Variants in GOT1L1 observed in about 807,000 individuals in gnomAD.
GOT1L1 encodes the protein aspartate aminotransferase, cytoplasmic 2.
GOT1L1 carries 38 observed loss-of-function variants against 43.6 expected under a neutral mutation model. The ratio of observed to expected loss-of-function variants is 0.87; its 90% confidence interval spans 0.67 to 1.14. The LOEUF (loss-of-function observed/expected upper bound fraction) is 1.14. GOT1L1 is among the 50% of genes most tolerant of loss of function. GOT1L1 has a pLI of 0.00. For synonymous variants in GOT1L1, 183 were observed against 187.2 expected, an observed-to-expected ratio of 0.98 and a Z score of 0.18; for missense variants, 482 against 504.0, an observed-to-expected ratio of 0.96 and a Z score of 0.42.
In GOT1L1 at chr8:37,940,114, C is replaced by G; in HGVS notation, c.-85G>C. ...CAGAAGTCTTCCTCCAAGGCTGGGC[C>G]GGGCAGTCCTGCCTCTTCCTGGAAC... On this transcript the variant is annotated 5_prime_UTR_variant, in exon 1 of 9. Transcript: ENST00000307599. 1.3e-6 allele frequency: 2 copies of G among 1,486,676 alleles called. No individual in the cohort carries two copies. Among genetic ancestry groups the G allele is most frequent in the Non-Finnish European group, 1.8e-6 (2 of 1,110,170 alleles). 92.1% of individuals were successfully genotyped at this position (1,486,676 alleles called of 1,614,324 possible).
In GOT1L1 at chr8:37,935,709, T is replaced by A. The variant is rs372696147; in HGVS notation, c.924A>T (p.Gly308=). 3 of 1,580,026 alleles carry A rather than the reference T, an allele frequency of 1.9e-6. No individual in the cohort carries two copies. Among genetic ancestry groups the A allele is most frequent in the Admixed American group, 3.7e-5 (2 of 54,132 alleles). The change falls in exon 7 of 9, where the codon GGA becomes GGT. Residue 308 remains glycine (G), a synonymous_variant. Transcript: ENST00000307599. ...GCTCCAGCCCTCACCCTTACCATTC[T>A]CCCAGCAGAGCAGGGTTGCAGAGGA... is the stretch of plus-strand genomic sequence containing the variant. ...TSILCNPALL[G]EWKQSLKEVV...
rs768387982 is a variant in GOT1L1 at position 37,934,461 on chromosome 8, C to T, written c.1098G>A (p.Arg366=). ...LNSQQVEYLV[R]KKHIYIPKNG... Reference sequence around the variant, plus strand: ...TCTTGGGGATATAGATGTGCTTCTTCCTGACCAGGTATTCCACCTGCTGGG... The same window carrying T: ...TCTTGGGGATATAGATGTGCTTCTTTCTGACCAGGTATTCCACCTGCTGGG... The change falls in exon 9 of 9, where the codon AGG becomes AGA. Residue 366 remains arginine (R), a synonymous_variant. Coordinates refer to ENST00000307599, the MANE Select transcript of GOT1L1 (RefSeq NM_152413.3). 2 of 1,613,666 alleles carry T rather than the reference C, an allele frequency of 1.2e-6. No individual in the cohort carries two copies. The highest frequency in any genetic ancestry group is 2.2e-5 in the South Asian group (2 of 91,028).
At chr8:37,936,475 A>G (rs1807758495) in intron 6 of GOT1L1, among the ~76,000 whole-genome samples, 1 of 151,440 alleles carries the variant, frequency 6.6e-6, no homozygotes, top group South Asian at 2.1e-4. Context: ...CCACCCTCTC[A>G]TCTTATAGTT....
chr8:37,936,845 T>C lies in GOT1L1; in HGVS notation c.638A>G (p.Asp213Gly). The change falls in exon 6 of 9, where the codon GAT becomes GGT. Residue 213 changes from aspartate to glycine, a missense_variant. Asp to Gly is a moderately conservative substitution (Grantham distance 94). Transcript: ENST00000307599. ...GGTGTATAAACCTTGACAGGGAATA[T>C]CAAAAAATGGGAATATCTGCTTGCT... The part of the protein sequence containing the change: ...IKSKQIFPFF[D>G]IPCQGLYTSD... 1.2e-6 allele frequency: 2 copies of C among 1,610,430 alleles called. No homozygotes were observed. The highest frequency in any genetic ancestry group is 1.7e-6 in the Non-Finnish European group (2 of 1,177,060).
intron 1 of GOT1L1, among the ~76,000 whole-genome samples, chr8:37,939,358 G>A (rs902968489): frequency 4.1e-5 from 6 of 145,652 alleles, no homozygotes; most frequent in African/African-American, 1.5e-4. Flanking sequence ...AGGTGGCAGT[G>A]AGCTGAGATC....
rs1807707986 is a variant in GOT1L1 at position 37,935,079 on chromosome 8, G to A, written c.1066C>T (p.Leu356Phe). The A allele has an allele frequency of 6.2e-7, 1 of 1,613,830 alleles. No homozygotes were observed. The highest frequency in any genetic ancestry group is 1.1e-5 in the South Asian group (1 of 91,068). Residue 356 changes from leucine to phenylalanine, a missense_variant, in exon 8 of 9, where the codon CTC becomes TTC. Coordinates refer to ENST00000307599, the MANE Select transcript of GOT1L1 (RefSeq NM_152413.3). ...CAGCCCCCTAGACCCTTACAGTTGAGTCCAAGATAGCCGTGGGTCCCACTC... is the reference window on the plus strand; with the variant it reads ...CAGCCCCCTAGACCCTTACAGTTGAATCCAAGATAGCCGTGGGTCCCACTC... ...EQSGTHGYLG[L>F]NSQQVEYLVR...
chr8:37,935,036 G>A (rs761968873), intron 8 of GOT1L1, 37 bp downstream of exon 8: 4 of 1,611,498 alleles, frequency 2.5e-6, no homozygotes, highest in East Asian at 2.2e-5. Flanking sequence ...CAGGCCAAAG[G>A]TCAGAAAGGG....
intron 1 of GOT1L1, among the ~76,000 whole-genome samples, chr8:37,939,434 ATATATATATATATATATATATATAT>A (rs1807864961): frequency 3.4e-5 from 2 of 57,974 alleles, no homozygotes; most frequent in Non-Finnish European, 6.4e-5. Flanking sequence ...AAAAAAAAAT[ATATATATATATATATATATATATAT>A]ATATATATAT....
chr8:37,939,286 C>A (rs1447157079), intron 1 of GOT1L1, among the ~76,000 whole-genome samples: 1 of 150,790 alleles, frequency 6.6e-6, no homozygotes, highest in Non-Finnish European at 1.5e-5. Flanking sequence ...TGGTGACCAG[C>A]GCCTGTAGTC....
chr8:37,939,416 GAAAA>G (rs4058283), intron 1 of GOT1L1, among the ~76,000 whole-genome samples: 32 of 21,398 alleles, frequency 1.5e-3, no homozygotes, highest in Admixed American at 2.3e-3. Context: ...CCTGTCTCAA[GAAAA>G]AAAAAAAAAA....
chr8:37,937,508 A>G, intron 3 of GOT1L1, 122 bp from the exon 4 acceptor site: 2 of 993,000 alleles, frequency 2.0e-6, no homozygotes, highest in Non-Finnish European at 3.1e-6. Context: ...AAAAGGACAT[A>G]AATAGCTTGG....
Position 37,937,664 on chromosome 8 carries a change from A to C in GOT1L1, c.383T>G (p.Ile128Arg), listed in dbSNP as rs1442686964. 5 of 1,611,976 alleles carry C rather than the reference A, an allele frequency of 3.1e-6. No individual in the cohort carries two copies. The highest frequency in any genetic ancestry group is 4.2e-6 in the Non-Finnish European group (5 of 1,178,826). ...FLRAWHKDAR[I>R]VYIISSQKEL... ...TTTTTGAGAAGAGATGATGTAAACT[A>C]TACGAGCATCCTTATGCCAAGCTCT... Residue 128 changes from isoleucine to arginine, a missense_variant, in exon 3 of 9, where the codon ATA becomes AGA. Coordinates refer to ENST00000307599, the MANE Select transcript of GOT1L1 (RefSeq NM_152413.3).
At position 37,936,709 on chromosome 8, in the gene GOT1L1, C is replaced by T. The variant is rs1156722171; in HGVS notation, c.763+11G>A. On this transcript the variant is annotated intron_variant, in intron 6 of 8. Coordinates refer to ENST00000307599, the MANE Select transcript of GOT1L1 (RefSeq NM_152413.3). ...AGCAACAGACCCTCCCTTCTTCTGC[C>T]TGTACCATACCATAAATGCCAAAAT... is the stretch of plus-strand genomic sequence containing the variant. 6 of 1,605,686 alleles carry T rather than the reference C, an allele frequency of 3.7e-6. No individual in the cohort carries two copies. The Admixed American group carries it at 8.4e-5, about 22-fold the overall frequency.
In GOT1L1 at chr8:37,939,889, A is replaced by G. The variant is rs201794498; in HGVS notation, c.115+26T>C. 62 of 1,603,602 alleles carry G rather than the reference A, an allele frequency of 3.9e-5. No individual in the cohort carries two copies. The African/African-American group carries it at 6.8e-4, about 18-fold the overall frequency. On this transcript the variant is annotated intron_variant, in intron 1 of 8. Coordinates refer to ENST00000307599, the MANE Select transcript of GOT1L1 (RefSeq NM_152413.3). ...AGGCAGTTACCATCACTTAAGTCTTATACTTCAGAACTGCTAGGCATCTAC... is the reference window on the plus strand; with the variant it reads ...AGGCAGTTACCATCACTTAAGTCTTGTACTTCAGAACTGCTAGGCATCTAC...
Position 37,934,502 on chromosome 8 carries a change from G to A in GOT1L1, c.1073-16C>T, listed in dbSNP as rs200347063. ...ACCTGCTGGGCTAAAATCATGACAA[G>A]GTCTCAGATCTCGAGACTGGCCATC... On this transcript the variant is annotated splice_polypyrimidine_tract_variant and intron_variant, in intron 8 of 8. Transcript: ENST00000307599. 186 of 1,597,484 alleles carry A rather than the reference G, an allele frequency of 1.2e-4. 1 individual carries two copies. The East Asian group carries it at 1.4e-3, about 12-fold the overall frequency.
At chr8:37,938,586 C>T (rs1267486937) in intron 2 of GOT1L1, 114 bp downstream of exon 2, 1 of 888,924 alleles carries the variant, frequency 1.1e-6, no homozygotes, top group Non-Finnish European at 1.7e-6. Context: ...CCTCAGGTAT[C>T]TCTTTTATCA....
rs1376584408 is a variant in GOT1L1, at chr8:37,940,074, TGTTCCGCTTCTGC to T, written c.-58_-46del. Reference sequence around the variant, plus strand: ...CCAAGACTATGTGTCTCTGCTCCTGTGTTCCGCTTCTGCCCAGAAGTCTTCCTCCAAGGCTGGG... The same window carrying T: ...CCAAGACTATGTGTCTCTGCTCCTGTCCAGAAGTCTTCCTCCAAGGCTGGG... On this transcript the variant is annotated 5_prime_UTR_variant, in exon 1 of 9. Transcript: ENST00000307599. 2 of 1,573,396 alleles carry T rather than the reference TGTTCCGCTTCTGC, an allele frequency of 1.3e-6. No homozygotes were observed. The highest frequency in any genetic ancestry group is 3.7e-5 in the Admixed American group (2 of 53,624).
rs781456451 is a variant in GOT1L1 at position 37,936,770 on chromosome 8, C to T, written c.713G>A (p.Gly238Asp). 6.8e-6 allele frequency: 11 copies of T among 1,612,952 alleles called. No individual in the cohort carries two copies. The highest frequency in any genetic ancestry group is 9.3e-6 in the Non-Finnish European group (11 of 1,179,052). ...TRILQYFVSQ[G>D]FEFFCSQSLS... Reference sequence around the variant, plus strand: ...AGACTGGCTGCAGAAGAACTCAAAGCCTTGAGACACAAAGTATTGTAAGAT... The same window carrying T: ...AGACTGGCTGCAGAAGAACTCAAAGTCTTGAGACACAAAGTATTGTAAGAT... Residue 238 changes from glycine (G) to aspartate (D), a missense_variant, in exon 6 of 9, where the codon GGC becomes GAC. Transcript: ENST00000307599.
intron 4 of GOT1L1, 65 bp downstream of exon 4, chr8:37,937,212 G>A: frequency 8.1e-7 from 1 of 1,241,666 alleles, no homozygotes; most frequent in Non-Finnish European, 1.1e-6. Flanking sequence ...AGAGGTGTGG[G>A]GAGGAGAGGA....
Sources: gnomAD v4.1 joint callset for allele counts (sites outside exome capture counted in the v4.1 genomes callset) on GRCh38, gnomAD v4.1.1 for gene constraint, MANE v1.5 for transcripts, NCBI Gene and HGNC (gene_info 2026-07-23, HGNC 2026-07-21) for gene names.